SYT2: variants seen among roughly 807,000 people sequenced by gnomAD.
The protein encoded by SYT2 is synaptotagmin 2, also known as synaptotagmin-2.
A neutral mutation model predicts 39.9 loss-of-function variants in SYT2; 15 were observed. That is an observed-to-expected ratio of 0.38 (90% CI 0.25 to 0.58). The LOEUF is 0.58. SYT2 is among the 20% of genes least tolerant of loss of function. The probability of loss-of-function intolerance (pLI) is 0.70; values close to 1 mark genes in which losing one functional copy is unlikely to be tolerated. For missense variants in SYT2, 389 were observed against 530.3 expected (o/e 0.73, Z 2.62); for synonymous variants, 181 against 204.5 (o/e 0.89, Z 0.98).
At chr1:202,699,819 C>T (rs59319763) in intron 1 of SYT2, among the ~76,000 whole-genome samples, 1 of 152,000 alleles carries the variant, frequency 6.6e-6, no homozygotes, top group Non-Finnish European at 1.5e-5. Flanking sequence ...GGCTGAGAGG[C>T]TCCATCCAGC....
intron 1 of SYT2, among the ~76,000 whole-genome samples, chr1:202,683,116 AT>A (rs1214562424): frequency 6.6e-6 from 1 of 152,230 alleles, no homozygotes; most frequent in Non-Finnish European, 1.5e-5. Context: ...AGGAGCAGGA[AT>A]TCGCCATCAC....
At chr1:202,643,450 C>G (rs1484560728) in intron 1 of SYT2, 2 of 152,486 alleles carry the variant, frequency 1.3e-5, no homozygotes, top group South Asian at 2.1e-4. Context: ...CTCCCTCTCT[C>G]TATTCTCTTC....
intron 1 of SYT2, among the ~76,000 whole-genome samples, chr1:202,678,354 A>T (rs933734924): frequency 6.6e-5 from 10 of 151,084 alleles, no homozygotes; most frequent in Non-Finnish European, 1.0e-4. Flanking sequence ...ACCTTTCTAA[A>T]TTTTTTTTTA....
intron 1 of SYT2, among the ~76,000 whole-genome samples, chr1:202,646,950 A>T (rs1291958250): frequency 6.6e-6 from 1 of 152,104 alleles, no homozygotes. Flanking sequence ...GCTCATCCCC[A>T]CTGAGGCTTT....
At chr1:202,706,810 G>C (rs1456955476) in intron 1 of SYT2, among the ~76,000 whole-genome samples, 1 of 152,208 alleles carries the variant, frequency 6.6e-6, no homozygotes, top group Non-Finnish European at 1.5e-5. Flanking sequence ...TATTCACGTA[G>C]GGAATTTAGA....
At chr1:202,666,482 G>A (rs533970831) in intron 1 of SYT2, among the ~76,000 whole-genome samples, 1 of 152,328 alleles carries the variant, frequency 6.6e-6, no homozygotes, top group African/African-American at 2.4e-5. Context: ...GAGAGGGTTT[G>A]AAGGCTGAAT....
At chr1:202,702,085 C>T (rs565905866) in intron 1 of SYT2, among the ~76,000 whole-genome samples, 195 of 152,288 alleles carry the variant, frequency 1.3e-3, no homozygotes, top group Admixed American at 2.2e-3. Flanking sequence ...AGGGGAGGCA[C>T]GAAGACACCT....
chr1:202,709,368 G>A (rs1409602295), intron 1 of SYT2, among the ~76,000 whole-genome samples: 1 of 152,248 alleles, frequency 6.6e-6, no homozygotes, highest in Non-Finnish European at 1.5e-5. Context: ...GGATGAAAAG[G>A]GAGGAGACAG....
intron 3 of SYT2, chr1:202,604,140 A>C: frequency 3.6e-6 from 1 of 278,214 alleles, no homozygotes; most frequent in Non-Finnish European, 6.7e-6. Flanking sequence ...CACAGGGTTA[A>C]CTGATGGTGT....
chr1:202,701,528 G>T (rs1654120258), intron 1 of SYT2, among the ~76,000 whole-genome samples: 1 of 152,172 alleles, frequency 6.6e-6, no homozygotes, highest in African/African-American at 2.4e-5. Flanking sequence ...ATGAAAAGAA[G>T]ACATTCTTAA....
chr1:202,620,536 A>G (rs1460434359), intron 1 of SYT2, among the ~76,000 whole-genome samples: 1 of 151,872 alleles, frequency 6.6e-6, no homozygotes, highest in East Asian at 1.9e-4. Flanking sequence ...ATCAAAAAGA[A>G]TGCTCTCAAC....
At chr1:202,671,456 A>G (rs34597136) in intron 1 of SYT2, among the ~76,000 whole-genome samples, 39,888 of 152,206 alleles carry the variant, frequency 0.26, 6,008 homozygotes, top group Middle Eastern at 0.36. Context: ...ATGAAATACA[A>G]AAAGCACCTA....
rs1322401494 is a variant in SYT2, at chr1:202,599,869, G to C, written c.919+488C>G. Reference sequence around the variant, plus strand: ...CTCTGGGAAGGCAGCTGAGGCAGCAGGCTTCATCCACTAGAGCCCTGTGCC... The same window carrying C: ...CTCTGGGAAGGCAGCTGAGGCAGCACGCTTCATCCACTAGAGCCCTGTGCC... On this transcript the variant is annotated intron_variant, in intron 7 of 8. Coordinates refer to ENST00000367268, the MANE Select transcript of SYT2 (RefSeq NM_177402.5). This position sits in a 1 kb window ranked among gnomAD's most constrained non-coding sequence, Gnocchi z 4.4. Among the ~76,000 whole-genome samples, 4 of 152,128 alleles carry C rather than the reference G, an allele frequency of 2.6e-5. No individual in the cohort carries two copies. The highest frequency in any genetic ancestry group is 4.4e-5 in the Non-Finnish European group (3 of 68,032).
chr1:202,658,347 T>TAGAGGCAGC (rs1692316466), intron 1 of SYT2, among the ~76,000 whole-genome samples: 1 of 152,086 alleles, frequency 6.6e-6, no homozygotes, highest in African/African-American at 2.4e-5. Flanking sequence ...GCAAGGGCAG[T>TAGAGGCAGC]AGAGGCAGCA....
chr1:202,612,870 A>G (rs1417638111), intron 1 of SYT2, among the ~76,000 whole-genome samples: 1 of 152,116 alleles, frequency 6.6e-6, no homozygotes, highest in African/African-American at 2.4e-5. Context: ...AATTTCCTTC[A>G]AGATTGTTTT....
Position 202,605,652 on chromosome 1 carries a change from C to G in SYT2, c.121G>C (p.Glu41Gln). Residue 41 changes from glutamate (E) to glutamine (Q), a missense_variant, in exon 2 of 9, where the codon GAG (glutamate) becomes CAG (glutamine). Coordinates refer to ENST00000367268, the MANE Select transcript of SYT2 (RefSeq NM_177402.5). ...TESGGAGESQ[E>Q]DMFAKLKEKL... is the part of the protein sequence containing the mutation. ...TCCTTCAGTTTGGCAAACATGTCCT[C>G]CTGGCTCTCCCCAGCACCCCCACTC... 1.9e-6 allele frequency: 3 copies of G among 1,613,994 alleles called. No individual in the cohort carries two copies. The highest frequency in any genetic ancestry group is 1.1e-5 in the South Asian group (1 of 91,082).
At chr1:202,629,600 G>A (rs1877486) in intron 1 of SYT2, among the ~76,000 whole-genome samples, 43,316 of 152,018 alleles carry the variant, frequency 0.28, 8,163 homozygotes, top group East Asian at 0.54. Flanking sequence ...CTCCCCAAGG[G>A]TGTCCCAGCC....
intron 1 of SYT2, among the ~76,000 whole-genome samples, chr1:202,611,538 T>C (rs1690884005): frequency 6.6e-6 from 1 of 152,118 alleles, no homozygotes; most frequent in African/African-American, 2.4e-5. Flanking sequence ...GTATTTTTAG[T>C]AGAGACGGGG....
intron 1 of SYT2, among the ~76,000 whole-genome samples, chr1:202,684,117 T>C (rs987761691): frequency 6.6e-6 from 1 of 152,206 alleles, no homozygotes; most frequent in Non-Finnish European, 1.5e-5. Context: ...TACATATATA[T>C]AGTGAAATCA....
Sources: gnomAD v4.1 joint callset for allele counts (sites outside exome capture counted in the v4.1 genomes callset) on GRCh38, gnomAD v4.1.1 for gene constraint, Gnocchi (gnomAD v3.1) non-coding constraint, MANE v1.5 for transcripts, NCBI Gene and HGNC (gene_info 2026-07-23, HGNC 2026-07-21) for gene names.